Variants in GRID1 observed in about 807,000 individuals in gnomAD.
GRID1 encodes the protein glutamate receptor ionotropic, delta-1.
Under a neutral mutation model 98.0 loss-of-function variants are expected in GRID1, and 28 were observed. The observed-to-expected ratio is 0.29, with a 90% CI of 0.21 to 0.39. GRID1 has a LOEUF of 0.39. GRID1 is among the 10% of genes least tolerant of loss of function. The pLI, the probability that GRID1 is intolerant of heterozygous loss-of-function variation, is 1.00. For synonymous variants in GRID1, 553 were observed against 538.5 expected (o/e 1.03, Z -0.37); for missense variants, 1,111 against 1,340.5 (o/e 0.83, Z 2.67).
chr10:86,275,790 C>G (rs891456384), intron 2 of GRID1, among the ~76,000 whole-genome samples: 1 of 152,046 alleles, frequency 6.6e-6, no homozygotes, highest in African/African-American at 2.4e-5. Flanking sequence ...GAGATACCAT[C>G]AAGCAGACTA....
chr10:86,267,116 A>C (rs552787619), intron 2 of GRID1, among the ~76,000 whole-genome samples: 1 of 152,360 alleles, frequency 6.6e-6, no homozygotes, highest in Non-Finnish European at 1.5e-5. Context: ...AGCCACAAAC[A>C]TGTATTAAAT....
intron 8 of GRID1, among the ~76,000 whole-genome samples, chr10:85,820,095 CAGGA>C (rs1564600327): frequency 0.016 from 1,364 of 87,760 alleles, 14 homozygotes; most frequent in Middle Eastern, 0.027. Context: ...GGCAGGCAGG[CAGGA>C]AGGAAGGGAG....
intron 12 of GRID1, among the ~76,000 whole-genome samples, chr10:85,717,947 G>A (rs1196530704): frequency 7.4e-6 from 1 of 135,876 alleles, no homozygotes; most frequent in East Asian, 2.1e-4. Context: ...AATGATCTTT[G>A]ACTCCAGGTC....
At chr10:86,350,397 G>A (rs1354164339) in intron 2 of GRID1, among the ~76,000 whole-genome samples, 1 of 152,220 alleles carries the variant, frequency 6.6e-6, no homozygotes, top group African/African-American at 2.4e-5. Context: ...ACACGGGGAA[G>A]TGACCTCAAG....
At chr10:85,827,677 T>TAA (rs752454640) in intron 8 of GRID1, among the ~76,000 whole-genome samples, 3 of 139,082 alleles carry the variant, frequency 2.2e-5, no homozygotes, top group Admixed American at 7.2e-5. Context: ...CAACAATGGT[T>TAA]AAAAAAAAAA....
rs373987020 is a variant in GRID1, at chr10:86,239,113, G to C, written c.236-32465C>G. Among the ~76,000 whole-genome samples the C allele has an allele frequency of 2.6e-5, 4 of 152,242 alleles. No homozygotes were observed. The East Asian group carries it at 5.8e-4, about 22-fold the overall frequency. Reference sequence around the variant, plus strand: ...GAGGCTGAGCCCTGCAGAGCCATAGGGACAGAGCCGCCCAAGGCCCTGCGA... The same window carrying C: ...GAGGCTGAGCCCTGCAGAGCCATAGCGACAGAGCCGCCCAAGGCCCTGCGA... On this transcript the variant is annotated intron_variant, in intron 2 of 15. Transcript: ENST00000327946.
intron 5 of GRID1, among the ~76,000 whole-genome samples, chr10:85,907,833 T>C (rs568690633): frequency 1.3e-5 from 2 of 152,192 alleles, no homozygotes; most frequent in Non-Finnish European, 1.5e-5. Flanking sequence ...TAATATAATA[T>C]GAAAAGTAGG....
chr10:85,660,738 C>A (rs565223168), intron 12 of GRID1, among the ~76,000 whole-genome samples: 5 of 152,132 alleles, frequency 3.3e-5, no homozygotes, highest in Non-Finnish European at 7.4e-5. Context: ...ACCAGGAGTC[C>A]AGGGCCTGGA....
At chr10:85,942,410 G>C (rs1029084924) in intron 4 of GRID1, among the ~76,000 whole-genome samples, 1 of 152,178 alleles carries the variant, frequency 6.6e-6, no homozygotes, top group African/African-American at 2.4e-5. Context: ...GTCTCCAACT[G>C]TCTGGGGCCT....
chr10:86,327,378 G>C (rs1202397064), intron 2 of GRID1, among the ~76,000 whole-genome samples: 1 of 152,116 alleles, frequency 6.6e-6, no homozygotes, highest in Non-Finnish European at 1.5e-5. Context: ...CCCACTGCCA[G>C]AGACCCCACC....
At chr10:85,635,034 A>T in intron 13 of GRID1, among the ~76,000 whole-genome samples, 2 of 130,570 alleles carry the variant, frequency 1.5e-5, no homozygotes, top group East Asian at 4.2e-4. Context: ...AAAAAAAAAA[A>T]ATCAGATTTA....
chr10:86,207,368 A>T (rs898105981), intron 2 of GRID1, among the ~76,000 whole-genome samples: 13 of 152,138 alleles, frequency 8.5e-5, no homozygotes, highest in Non-Finnish European at 1.2e-4. Context: ...GGCAGTTACC[A>T]CGGGTGTGGA....
At chr10:86,158,740 T>C (rs1845280474) in intron 3 of GRID1, among the ~76,000 whole-genome samples, 1 of 152,162 alleles carries the variant, frequency 6.6e-6, no homozygotes. Context: ...AGACAGAGTC[T>C]GGGTGATCCC....
At chr10:85,795,489 T>C (rs1453452259) in intron 8 of GRID1, among the ~76,000 whole-genome samples, 2 of 152,282 alleles carry the variant, frequency 1.3e-5, no homozygotes, top group East Asian at 3.8e-4. Context: ...TGATTTTGTT[T>C]AATTCAATAT....
intron 5 of GRID1, among the ~76,000 whole-genome samples, chr10:85,906,974 T>C (rs1841470055): frequency 1.3e-5 from 2 of 152,070 alleles, no homozygotes; most frequent in Admixed American, 1.3e-4. Context: ...AAACCTCCAA[T>C]CAGACTGATC....
intron 3 of GRID1, among the ~76,000 whole-genome samples, chr10:86,188,525 C>A (rs1845756647): frequency 6.6e-6 from 1 of 152,212 alleles, no homozygotes; most frequent in South Asian, 2.1e-4. Context: ...AAGACCCACT[C>A]CCTGAGGAAT....
intron 12 of GRID1, among the ~76,000 whole-genome samples, chr10:85,664,263 C>T (rs1253451791): frequency 6.6e-6 from 1 of 152,052 alleles, no homozygotes; most frequent in Non-Finnish European, 1.5e-5. Context: ...GTAGAATCCT[C>T]ATGAAACCCA....
chr10:86,211,162 T>A (rs1564707565), intron 2 of GRID1, among the ~76,000 whole-genome samples: 1 of 152,246 alleles, frequency 6.6e-6, no homozygotes, highest in East Asian at 1.9e-4. Flanking sequence ...CAGCCATTCA[T>A]GCTGCCTGGC....
intron 3 of GRID1, among the ~76,000 whole-genome samples, chr10:86,150,441 A>G (rs1845148937): frequency 6.6e-6 from 1 of 152,186 alleles, no homozygotes; most frequent in Admixed American, 6.5e-5. Flanking sequence ...AGCTCTGGGT[A>G]TTTTTCTGGA....
Sources: gnomAD v4.1 joint callset for allele counts (sites outside exome capture counted in the v4.1 genomes callset) on GRCh38, gnomAD v4.1.1 for gene constraint, MANE v1.5 for transcripts, NCBI Gene and HGNC (gene_info 2026-07-23, HGNC 2026-07-21) for gene names.